Variants in VAV3 observed in about 807,000 individuals in gnomAD.
The protein encoded by VAV3 is guanine nucleotide exchange factor VAV3.
Under a neutral mutation model 131.2 loss-of-function variants are expected in VAV3, and 94 were observed. The observed-to-expected ratio is 0.72, with a 90% CI of 0.61 to 0.85. The LOEUF is 0.85. Among genes scored for constraint, VAV3 ranks in the 40% least tolerant of loss-of-function variants. The probability of loss-of-function intolerance (pLI) is 0.00; values close to 1 mark genes in which losing one functional copy is unlikely to be tolerated. For synonymous variants in VAV3, 349 were observed against 342.0 expected (o/e 1.02, Z -0.22); for missense variants, 939 against 1,002.7 (o/e 0.94, Z 0.86).
intron 25 of VAV3, among the ~76,000 whole-genome samples, chr1:107,590,592 G>C (rs1650871773): frequency 6.6e-6 from 1 of 152,094 alleles, no homozygotes; most frequent in Non-Finnish European, 1.5e-5. Flanking sequence ...AATATCCGCA[G>C]GTACCTAAAC....
At chr1:107,939,057 G>A (rs1174363725) in intron 1 of VAV3, among the ~76,000 whole-genome samples, 1 of 152,174 alleles carries the variant, frequency 6.6e-6, no homozygotes, top group Non-Finnish European at 1.5e-5. Flanking sequence ...CTCCCATGTG[G>A]CAGCCCCAGA....
intron 1 of VAV3, among the ~76,000 whole-genome samples, chr1:107,931,139 G>C (rs899941012): frequency 1.3e-5 from 2 of 152,168 alleles, no homozygotes; most frequent in Non-Finnish European, 2.9e-5. Flanking sequence ...GCCAAGTGTA[G>C]AGGAAACATT....
At chr1:107,947,132 G>GA (rs1319459640) in intron 1 of VAV3, among the ~76,000 whole-genome samples, 1 of 152,226 alleles carries the variant, frequency 6.6e-6, no homozygotes, top group African/African-American at 2.4e-5. Context: ...TGATCACAGA[G>GA]AAAATGGAGA....
At chr1:107,581,433 ACAGT>A (rs1321255804) in intron 25 of VAV3, among the ~76,000 whole-genome samples, 2 of 152,248 alleles carry the variant, frequency 1.3e-5, no homozygotes, top group African/African-American at 4.8e-5. Context: ...TATTAAGAGC[ACAGT>A]CAAATATTAT....
At chr1:107,926,125 T>C (rs1361605073) in intron 1 of VAV3, among the ~76,000 whole-genome samples, 2 of 151,620 alleles carry the variant, frequency 1.3e-5, no homozygotes, top group African/African-American at 2.4e-5. Context: ...ACTAAAAAAA[T>C]ACAAAAATTA....
At chr1:107,772,705 A>G (rs1216450335) in intron 5 of VAV3, 30 bp downstream of exon 5, 3 of 1,549,538 alleles carry the variant, frequency 1.9e-6, no homozygotes, top group East Asian at 4.5e-5. Context: ...AAATATTCAG[A>G]GTAACTTTAA....
chr1:107,895,347 T>C (rs2035016), intron 1 of VAV3, among the ~76,000 whole-genome samples: 33,956 of 152,106 alleles, frequency 0.22, 3,908 homozygotes, highest in African/African-American at 0.27. Flanking sequence ...CTTTTTCACA[T>C]TGCTTGTCAT....
chr1:107,743,878 G>A (rs553732727), intron 15 of VAV3, among the ~76,000 whole-genome samples: 58 of 152,210 alleles, frequency 3.8e-4, no homozygotes, highest in Middle Eastern at 3.4e-3. Context: ...ATTTGACCTC[G>A]GATTATTTAA....
chr1:107,733,975 C>T (rs564453413), intron 15 of VAV3, among the ~76,000 whole-genome samples: 1 of 152,246 alleles, frequency 6.6e-6, no homozygotes, highest in African/African-American at 2.4e-5. Context: ...GTCAGGTTAC[C>T]CACAAAGGAA....
chr1:107,594,329 T>C (rs968986996), intron 25 of VAV3, among the ~76,000 whole-genome samples: 1 of 152,128 alleles, frequency 6.6e-6, no homozygotes, highest in Admixed American at 6.6e-5. Context: ...GTGCCTTGTA[T>C]GTGTTAGGTG....
chr1:107,963,531 G>C (rs1185142884), intron 1 of VAV3: 1 of 152,192 alleles, frequency 6.6e-6, no homozygotes, highest in Non-Finnish European at 1.5e-5. Context: ...GAAGTGCAGG[G>C]GACCCTGATG....
intron 2 of VAV3, among the ~76,000 whole-genome samples, chr1:107,811,951 G>A (rs1037969598): frequency 2.0e-5 from 3 of 152,048 alleles, no homozygotes; most frequent in Non-Finnish European, 4.4e-5. Flanking sequence ...GCAGCCATAC[G>A]CTCACATCAT....
chr1:107,781,105 G>C (rs1665661224), intron 2 of VAV3, among the ~76,000 whole-genome samples: 1 of 152,030 alleles, frequency 6.6e-6, no homozygotes, highest in Admixed American at 6.6e-5. Context: ...TATGGTTGTA[G>C]TTAGAAACTC....
At chr1:107,683,922 A>G (rs1345724624) in intron 18 of VAV3, among the ~76,000 whole-genome samples, 6 of 152,208 alleles carry the variant, frequency 3.9e-5, no homozygotes, top group Non-Finnish European at 7.3e-5. Flanking sequence ...CTGATCTCAT[A>G]AAACTCTAAC....
intron 20 of VAV3, among the ~76,000 whole-genome samples, chr1:107,624,015 A>T (rs145827868): frequency 1.3e-5 from 2 of 152,208 alleles, no homozygotes; most frequent in Non-Finnish European, 2.9e-5. Context: ...ATCAAAATAC[A>T]TGACAAAGGC....
At chr1:107,962,174 G>C (rs901013676) in intron 1 of VAV3, among the ~76,000 whole-genome samples, 7 of 152,238 alleles carry the variant, frequency 4.6e-5, no homozygotes, top group African/African-American at 1.7e-4. Flanking sequence ...TAAGTAGACA[G>C]AACGACTCTC....
At chr1:107,635,322 GACAAGGATGAAGCTGGAA>G (rs1289265529) in intron 20 of VAV3, among the ~76,000 whole-genome samples, 3 of 152,024 alleles carry the variant, frequency 2.0e-5, no homozygotes, top group Non-Finnish European at 4.4e-5. Flanking sequence ...CCTTTGTAGG[GACAAGGATGAAGCTGGAA>G]ACAATCATTC....
intron 20 of VAV3, among the ~76,000 whole-genome samples, chr1:107,631,459 C>T (rs61798874): frequency 0.41 from 57,660 of 139,750 alleles, 11,460 homozygotes; most frequent in East Asian, 0.51. Flanking sequence ...CTCTAGTATA[C>T]TTTCTCTTTT....
At chr1:107,809,107 T>C (rs1667199384) in intron 2 of VAV3, among the ~76,000 whole-genome samples, 1 of 152,210 alleles carries the variant, frequency 6.6e-6, no homozygotes, top group African/African-American at 2.4e-5. Context: ...TATTGTGAGA[T>C]GCTCTTGTGA....
Sources: allele counts gnomAD v4.1 joint callset (sites outside exome capture counted in the v4.1 genomes callset), GRCh38; gene constraint gnomAD v4.1.1; transcripts MANE v1.5; gene names NCBI Gene and HGNC (gene_info 2026-07-23, HGNC 2026-07-21).